The following POLG variants were observed in gnomAD, a reference collection of about 807,000 sequenced individuals.
The protein encoded by POLG is DNA polymerase subunit gamma-1.
POLG carries 110 observed loss-of-function variants against 155.4 expected under a neutral mutation model. That is an observed-to-expected ratio of 0.71 (90% CI 0.61 to 0.83). POLG has a LOEUF of 0.83. POLG is among the 40% of genes least tolerant of loss of function. POLG has a pLI of 0.00. For missense variants in POLG, 1,685 were observed against 1,627.5 expected (o/e 1.04, Z -0.61); for synonymous variants, 701 against 631.5 (o/e 1.11, Z -1.65).
chr15:89,323,593 G>T (rs1466227924), intron 12 of POLG, 82 bp from the exon 13 acceptor site: 1 of 948,342 alleles, frequency 1.1e-6, no homozygotes, highest in African/African-American at 1.6e-5. Context: ...GTGGGAAAAG[G>T]GCCTGAAACT....
intron 11 of POLG, 37 bp downstream of exon 11, chr15:89,324,070 C>A (rs1346241039): frequency 6.2e-7 from 1 of 1,613,368 alleles, no homozygotes; most frequent in African/African-American, 1.3e-5. Context: ...ACAGAGACCT[C>A]CCCTCCCCAA....
rs749355151 is a variant in POLG at position 89,316,783 on chromosome 15, A to C, written c.3688T>G (p.Ser1230Ala). Residue 1230 changes from serine to alanine, a missense_variant, in exon 23 of 23, where the codon TCC becomes GCC. Transcript: ENST00000268124. ...IYQIIELTKGSLEKRSQPGP is the reference protein window; with the variant it reads ...IYQIIELTKGALEKRSQPGP The stretch of plus-strand genomic sequence containing the variant: ...CCAGGCTGGCTTCGTTTTTCCAAGG[A>C]GCCTTTGGTGAGTTCAATTATCTGG... The C allele has an allele frequency of 1.4e-5, 22 of 1,613,874 alleles. No homozygotes were observed. The highest frequency in any genetic ancestry group is 9.3e-5 in the African/African-American group (7 of 74,904).
chr15:89,334,149 C>T (rs184370446), intron 1 of POLG: 1 of 334,390 alleles, frequency 3.0e-6, no homozygotes, highest in Admixed American at 4.8e-5. Context: ...AGTAAGAGAG[C>T]AGTATCTGGA....
At position 89,324,375 on chromosome 15, in the gene POLG, A is replaced by G; in HGVS notation, c.1950-148T>C. 5 of 895,084 alleles carry G rather than the reference A, an allele frequency of 5.6e-6. No individual in the cohort carries two copies. The South Asian group carries it at 7.1e-5, about 13-fold the overall frequency. 55.4% of individuals were successfully genotyped at this position (895,084 alleles called of 1,614,324 possible). A position where few individuals can be genotyped will look rare whatever the true frequency, so the allele number is the denominator to read the frequency against. On this transcript the variant is annotated intron_variant, in intron 10 of 22. Transcript: ENST00000268124. ...ACCAGATAGCACTTTCCCGGGTTTT[A>G]GACAGGGATTGATTGACAAACTGAA...
In POLG at chr15:89,327,419, G is replaced by T; in HGVS notation, c.1251-70C>A. 6 of 1,461,270 alleles carry T rather than the reference G, an allele frequency of 4.1e-6. No homozygotes were observed. In the Admixed American group the frequency reaches 5.3e-5, roughly 13 times the overall value. The allele number at this position is 1,461,270 out of a possible 1,614,324, so 90.5% of individuals were successfully genotyped here. On this transcript the variant is annotated intron_variant, in intron 6 of 22. Coordinates refer to ENST00000268124, the MANE Select transcript of POLG (RefSeq NM_002693.3). ...CAAGACTGGCCCAATCCCTGAGCTG[G>T]TTTAGCAAGCCTCAACCCAGCCACT...
intron 10 of POLG, 145 bp downstream of exon 10, chr15:89,325,299 GGTGTGT>G (rs71149295): frequency 2.1e-5 from 11 of 527,424 alleles, no homozygotes; most frequent in South Asian, 6.0e-5. Flanking sequence ...AGAGAGAGAG[GGTGTGT>G]GTGTGTGTGT....
In POLG at chr15:89,325,061, T is replaced by TGAGA. The variant is rs1555453284; in HGVS notation, c.1949+388_1949+389insTCTC. Reference sequence around the variant, plus strand: ...GAGAGTGAGTGAGTGAGTGAGAGAGTGAGTGAGTGAGTGAGTGAGTGAGAG... The same window carrying TGAGA: ...GAGAGTGAGTGAGTGAGTGAGAGAGTGAGAGAGTGAGTGAGTGAGTGAGTGAGAG... On this transcript the variant is annotated intron_variant, in intron 10 of 22. Transcript: ENST00000268124. Among the ~76,000 whole-genome samples the TGAGA allele has an allele frequency of 9.8e-4, 69 of 70,150 alleles. 14 individuals carry two copies. Among genetic ancestry groups the TGAGA allele is most frequent in the African/African-American group, 3.7e-3 (56 of 15,192 alleles). The allele number at this position is 70,150 out of a possible 152,430, so 46.0% of individuals were successfully genotyped here.
chr15:89,318,387 C>CAACT (rs1429675281), intron 21 of POLG, among the ~76,000 whole-genome samples, 154 bp downstream of exon 21: 1 of 152,184 alleles, frequency 6.6e-6, no homozygotes, highest in Non-Finnish European at 1.5e-5. Flanking sequence ...AGGACTTCTA[C>CAACT]AACTTTTTAA....
At position 89,319,079 on chromosome 15, in the gene POLG, T is replaced by G. The variant is rs1316103899; in HGVS notation, c.3125A>C (p.Glu1042Ala). The G allele has an allele frequency of 2.0e-5, 33 of 1,613,896 alleles. No individual in the cohort carries two copies. Among genetic ancestry groups the G allele is most frequent in the Non-Finnish European group, 2.8e-5 (33 of 1,179,964 alleles). The stretch of plus-strand genomic sequence containing the variant: ...CTTCCATGCCCGTTCAGCAACCACC[T>G]CCCACTTCTTCCACTGTGACCTAAG... ...TARKSQWKKW[E>A]VVAERAWKGG... The change falls in exon 20 of 23, where the codon GAG becomes GCG. Residue 1042 changes from glutamate (E) to alanine (A), a missense_variant. Transcript: ENST00000268124.
In POLG at chr15:89,316,445, A is replaced by AAAAGG. The variant is rs771578684; in HGVS notation, c.*301_*305dup. On this transcript the variant is annotated 3_prime_UTR_variant, in exon 23 of 23. Coordinates refer to ENST00000268124, the MANE Select transcript of POLG (RefSeq NM_002693.3). The stretch of plus-strand genomic sequence containing the variant: ...ACAGAACAAAGAACCAGCCAAGAAG[A>AAAAGG]AAAGGAAAAAATAAATGAAATGCCT... 53 of 1,610,904 alleles carry AAAAGG rather than the reference A, an allele frequency of 3.3e-5. No individual in the cohort carries two copies. Among genetic ancestry groups the AAAAGG allele is most frequent in the Non-Finnish European group, 4.3e-5 (51 of 1,178,136 alleles).
intron 17 of POLG, 31 bp downstream of exon 17, chr15:89,321,094 C>T (rs199541523): frequency 1.9e-6 from 3 of 1,574,884 alleles, no homozygotes; most frequent in Non-Finnish European, 1.7e-6. Flanking sequence ...TGCTGAGGGG[C>T]TGGGCTGCCC....
Position 89,333,843 on chromosome 15 carries a change from A to G in POLG, c.-89T>C, listed in dbSNP as rs2055633970. The G allele has an allele frequency of 4.9e-6, 7 of 1,437,068 alleles. No individual in the cohort carries two copies. The South Asian group carries it at 4.9e-5, about 10-fold the overall frequency. 89.0% of individuals were successfully genotyped at this position (1,437,068 alleles called of 1,614,324 possible). On this transcript the variant is annotated 5_prime_UTR_variant, in exon 2 of 23. Coordinates refer to ENST00000268124, the MANE Select transcript of POLG (RefSeq NM_002693.3). ...CTTTTACTGGCTGGAAGACGTGGAGAGAGACACGTCCTGTCTCTGCTCTCC... is the reference window on the plus strand; with the variant it reads ...CTTTTACTGGCTGGAAGACGTGGAGGGAGACACGTCCTGTCTCTGCTCTCC...
At chr15:89,325,010 G>A (rs1014501462) in intron 10 of POLG, among the ~76,000 whole-genome samples, 2 of 151,984 alleles carry the variant, frequency 1.3e-5, no homozygotes, top group African/African-American at 4.8e-5. Flanking sequence ...GGTAAGGGTA[G>A]CCATGGAAGA....
In POLG at chr15:89,318,583, T is replaced by G; in HGVS notation, c.3440A>C (p.Tyr1147Ser). The stretch of plus-strand genomic sequence containing the variant: ...GATCTGCAAGGCCAGGGCAGCGCGG[T>G]AGCGGTCCTCCTCCCGCACCAGGTA... Reference protein sequence around the residue: ...VRYLVREEDRYRAALALQITN... With the variant: ...VRYLVREEDRSRAALALQITN... Residue 1147 changes from tyrosine (Y) to serine (S), a missense_variant, in exon 21 of 23, where the codon TAC becomes TCC. Around this residue, in one of 3 missense-constraint regions of POLG, gnomAD observed 470 missense variants for 439.9 expected, o/e 1.07. Transcript: ENST00000268124. 6.2e-7 allele frequency: 1 copy of G among 1,614,024 alleles called. No individual in the cohort carries two copies. The highest frequency in any genetic ancestry group is 8.5e-7 in the Non-Finnish European group (1 of 1,180,032).
Position 89,328,758 on chromosome 15 carries a change from C to G in POLG, c.1097G>C (p.Gly366Ala), listed in dbSNP as rs757315161. The change falls in exon 5 of 23, where the codon GGG becomes GCG. Residue 366 changes from glycine (G) to alanine (A), a missense_variant. Coordinates refer to ENST00000268124, the MANE Select transcript of POLG (RefSeq NM_002693.3). ...TCGAGGCTCCTTCTCTAAGGGAGGC[C>G]CCCCTACATAAAGTCTGTGCACCTC... Reference protein sequence around the residue: ...LAEVHRLYVGGPPLEKEPREL... With the variant: ...LAEVHRLYVGAPPLEKEPREL... 20 of 1,613,986 alleles carry G rather than the reference C, an allele frequency of 1.2e-5. No homozygotes were observed. In the Admixed American group the frequency reaches 3.3e-4, roughly 27 times the overall value.
At chr15:89,316,943 A>T (rs777372106) in intron 22 of POLG, 116 bp from the exon 23 acceptor site, 4 of 785,800 alleles carry the variant, frequency 5.1e-6, no homozygotes, top group Non-Finnish European at 9.1e-6. Context: ...GTTGAGAACA[A>T]TTGCCACGAA....
At chr15:89,324,251 G>A (rs746929931) in intron 10 of POLG, 24 bp from the exon 11 acceptor site, 2 of 1,608,468 alleles carry the variant, frequency 1.2e-6, no homozygotes, top group African/African-American at 2.7e-5. Flanking sequence ...AGTAGCAGCA[G>A]CAGCCGCTGA....
intron 2 of POLG, chr15:89,332,488 T>A (rs1293145637): frequency 6.6e-6 from 1 of 152,048 alleles, no homozygotes; most frequent in African/African-American, 2.4e-5. Flanking sequence ...TGGATATACT[T>A]GTTTGGGACC....
chr15:89,323,028 G>A, intron 13 of POLG, 126 bp from the exon 14 acceptor site: 2 of 967,498 alleles, frequency 2.1e-6, no homozygotes, highest in Non-Finnish European at 3.1e-6. Context: ...GCAAATCCCT[G>A]ATTGTATCAC....
Sources: allele counts gnomAD v4.1 joint callset (sites outside exome capture counted in the v4.1 genomes callset), GRCh38; gene constraint gnomAD v4.1.1; regional missense constraint gnomAD v4.1.1; transcripts MANE v1.5; gene names NCBI Gene and HGNC (gene_info 2026-07-23, HGNC 2026-07-21).